The following NSUN3 variants were observed in gnomAD, a reference collection of about 807,000 sequenced individuals.
The protein encoded by NSUN3 is NOP2/Sun RNA methyltransferase 3.
In NSUN3, 24 loss-of-function variants were observed where a neutral mutation model predicts 36.8. That is an observed-to-expected ratio of 0.65 (90% CI 0.47 to 0.92). NSUN3 has a LOEUF of 0.92. Ranked by LOEUF, NSUN3 falls within the 40% of genes least tolerant of loss-of-function variation. The pLI is 0.00. For missense variants in NSUN3, 381 were observed against 392.8 expected (o/e 0.97, Z 0.25); for synonymous variants, 146 against 145.2 (o/e 1.01, Z -0.04).
chr3:94,119,908 AT>A (rs1233579631), intron 5 of NSUN3, among the ~76,000 whole-genome samples: 1 of 152,278 alleles, frequency 6.6e-6, no homozygotes, highest in Non-Finnish European at 1.5e-5. Flanking sequence ...CAATTTTCTC[AT>A]TTAGAAATTA....
At chr3:94,063,461 T>A (rs1394557305) in intron 1 of NSUN3, 1 of 341,412 alleles carries the variant, frequency 2.9e-6, no homozygotes, top group Non-Finnish European at 5.3e-6. Flanking sequence ...ACACGTTTCT[T>A]GGATGAATAA....
chr3:94,108,046 G>C (rs2077397968), intron 5 of NSUN3, among the ~76,000 whole-genome samples: 1 of 131,368 alleles, frequency 7.6e-6, no homozygotes, highest in Non-Finnish European at 1.6e-5. Flanking sequence ...ATAAAAGTTA[G>C]AGGTTGCTTC....
intron 5 of NSUN3, among the ~76,000 whole-genome samples, chr3:94,120,866 G>C (rs889596039): frequency 6.6e-6 from 1 of 152,054 alleles, no homozygotes; most frequent in African/African-American, 2.4e-5. Context: ...TTCCATAGTG[G>C]CTATACCATT....
chr3:94,117,576 A>G (rs1232709186), intron 5 of NSUN3, among the ~76,000 whole-genome samples: 1 of 152,212 alleles, frequency 6.6e-6, no homozygotes, highest in Non-Finnish European at 1.5e-5. Context: ...CTGAAAGACA[A>G]GCAAAGATTT....
intron 3 of NSUN3, among the ~76,000 whole-genome samples, chr3:94,093,203 G>GT (rs576886199): frequency 0.021 from 2,959 of 141,870 alleles, 53 homozygotes; most frequent in African/African-American, 0.041. Context: ...GTCACTAAAA[G>GT]TTTTTTTTTT....
chr3:94,101,675 A>G (rs1289335134), intron 5 of NSUN3, among the ~76,000 whole-genome samples: 1 of 152,222 alleles, frequency 6.6e-6, no homozygotes, highest in Non-Finnish European at 1.5e-5. Flanking sequence ...AAGCAGTTCT[A>G]TGAATGGAAT....
chr3:94,071,580 T>TA (rs1453002126), intron 2 of NSUN3, among the ~76,000 whole-genome samples: 1 of 152,210 alleles, frequency 6.6e-6, no homozygotes, highest in Non-Finnish European at 1.5e-5. Context: ...TTGCATCCTT[T>TA]AAACATATGG....
intron 2 of NSUN3, chr3:94,082,071 C>T (rs1232205722): frequency 6.6e-6 from 1 of 152,164 alleles, no homozygotes; most frequent in Admixed American, 6.5e-5. Flanking sequence ...GCACATGATG[C>T]AAGCCAAGCC....
chr3:94,117,277 G>A (rs1358678330), intron 5 of NSUN3, among the ~76,000 whole-genome samples: 1 of 151,982 alleles, frequency 6.6e-6, no homozygotes, highest in Admixed American at 6.6e-5. Flanking sequence ...TGGGATTACA[G>A]ACGTGAGTCA....
intron 5 of NSUN3, among the ~76,000 whole-genome samples, chr3:94,120,146 A>G (rs1008002021): frequency 1.3e-5 from 2 of 152,256 alleles, no homozygotes; most frequent in Admixed American, 6.5e-5. Flanking sequence ...TGGCTTTGCT[A>G]ATTGTGGAAC....
chr3:94,064,382 G>C (rs1161021801), intron 1 of NSUN3, 55 bp from the exon 2 acceptor site: 1 of 1,038,778 alleles, frequency 9.6e-7, no homozygotes, highest in African/African-American at 1.6e-5. Context: ...TAATGTTGAC[G>C]TTCAGTAAAT....
At chr3:94,113,382 A>T (rs1210724433) in intron 5 of NSUN3, among the ~76,000 whole-genome samples, 4 of 152,218 alleles carry the variant, frequency 2.6e-5, no homozygotes, top group Non-Finnish European at 5.9e-5. Flanking sequence ...TCATCTGCAA[A>T]GTAAGAATAA....
chr3:94,131,056 G>A lies in NSUN3; in HGVS notation c.*4566G>A, dbSNP rs1328132327. 1.3e-5 allele frequency among the ~76,000 whole-genome samples: 2 copies of A among 151,828 alleles called. No individual in the cohort carries two copies. The highest frequency in any genetic ancestry group is 2.4e-5 in the African/African-American group (1 of 41,292). Reference sequence around the variant, plus strand: ...GCCTCCTAAGTAGCCTGGACTACAGGCCCACAATACCATGCCTGGCTAATT... The same window carrying A: ...GCCTCCTAAGTAGCCTGGACTACAGACCCACAATACCATGCCTGGCTAATT... On this transcript the variant is annotated 3_prime_UTR_variant, in exon 6 of 6. Transcript: ENST00000314622.
In NSUN3 at chr3:94,065,460, A is replaced by G. The variant is rs531311166; in HGVS notation, c.122+914A>G. ...AAGCCCACTACATGTTGCATGAGGAAAAAAAGTTGCATGGCTACAGATATT... is the reference window on the plus strand; with the variant it reads ...AAGCCCACTACATGTTGCATGAGGAGAAAAAGTTGCATGGCTACAGATATT... On this transcript the variant is annotated intron_variant, in intron 2 of 5. Coordinates refer to ENST00000314622, the MANE Select transcript of NSUN3 (RefSeq NM_022072.5). Among the ~76,000 whole-genome samples, 195 of 152,300 alleles carry G rather than the reference A, an allele frequency of 1.3e-3. 1 individual carries two copies. The highest frequency in any genetic ancestry group is 4.4e-3 in the African/African-American group (183 of 41,562).
At chr3:94,105,876 G>C (rs1326960460) in intron 5 of NSUN3, among the ~76,000 whole-genome samples, 1 of 123,790 alleles carries the variant, frequency 8.1e-6, no homozygotes, top group Admixed American at 8.1e-5. Flanking sequence ...TTTCTTGAAG[G>C]CTTTTCTTTT....
At chr3:94,074,990 G>T (rs1007525287) in intron 2 of NSUN3, among the ~76,000 whole-genome samples, 1 of 152,038 alleles carries the variant, frequency 6.6e-6, no homozygotes, top group African/African-American at 2.4e-5. Context: ...TCGATACCTA[G>T]TTTATTGAGA....
At chr3:94,093,835 A>C (rs1368835072) in intron 3 of NSUN3, among the ~76,000 whole-genome samples, 1 of 152,206 alleles carries the variant, frequency 6.6e-6, no homozygotes, top group African/African-American at 2.4e-5. Context: ...AGGAATTTAT[A>C]ATTTTTTATA....
chr3:94,096,496 GTGTT>G (rs71621585), intron 5 of NSUN3, among the ~76,000 whole-genome samples: 12,272 of 151,588 alleles, frequency 0.081, 601 homozygotes, highest in Middle Eastern at 0.19. Context: ...GTTTTTTTGT[GTGTT>G]TGTTTGTTTG....
chr3:94,117,530 A>C (rs1052776381), intron 5 of NSUN3, among the ~76,000 whole-genome samples: 1 of 152,146 alleles, frequency 6.6e-6, no homozygotes, highest in Non-Finnish European at 1.5e-5. Flanking sequence ...TAGGTGGTTC[A>C]AACACAAAAT....
Sources: allele counts gnomAD v4.1 joint callset (sites outside exome capture counted in the v4.1 genomes callset), GRCh38; gene constraint gnomAD v4.1.1; transcripts MANE v1.5; gene names NCBI Gene and HGNC (gene_info 2026-07-23, HGNC 2026-07-21).